Variants in BMPR1B observed in about 807,000 individuals in gnomAD.
BMPR1B encodes bone morphogenetic protein receptor type 1B.
BMPR1B carries 12 observed loss-of-function variants against 59.1 expected under a neutral mutation model. The ratio of observed to expected loss-of-function variants is 0.20; its 90% CI spans 0.13 to 0.33. The LOEUF is 0.33. Ranked by LOEUF, BMPR1B falls within the 10% of genes least tolerant of loss-of-function variation. BMPR1B has a pLI of 1.00. For missense variants in BMPR1B, 550 were observed against 610.9 expected (o/e 0.90, Z 1.05); for synonymous variants, 237 against 207.3 (o/e 1.14, Z -1.23).
intron 1 of BMPR1B, among the ~76,000 whole-genome samples, chr4:94,809,909 C>G (rs1723748212): frequency 6.6e-6 from 1 of 152,206 alleles, no homozygotes. Flanking sequence ...TGATTTCACT[C>G]TAGAATCTGA....
chr4:94,944,861 C>G (rs1336539365), intron 2 of BMPR1B, among the ~76,000 whole-genome samples: 1 of 152,110 alleles, frequency 6.6e-6, no homozygotes, highest in Non-Finnish European at 1.5e-5. Flanking sequence ...ATAATAGATT[C>G]CAGCTTTTTT....
chr4:94,778,074 A>T (rs1015385790), intron 1 of BMPR1B, among the ~76,000 whole-genome samples: 10 of 152,118 alleles, frequency 6.6e-5, no homozygotes, highest in Non-Finnish European at 2.9e-5. Flanking sequence ...AAATGAAATA[A>T]TTCTTCTCTT....
At chr4:94,938,267 C>T (rs565712334) in intron 2 of BMPR1B, among the ~76,000 whole-genome samples, 37 of 152,146 alleles carry the variant, frequency 2.4e-4, no homozygotes, top group Admixed American at 7.2e-4. Flanking sequence ...GAGTCTGAGG[C>T]GGGCAGATAA....
intron 3 of BMPR1B, among the ~76,000 whole-genome samples, chr4:95,092,347 G>A (rs1050872655): frequency 4.6e-5 from 7 of 152,058 alleles, no homozygotes; most frequent in African/African-American, 1.4e-4. Flanking sequence ...CAACAGATAA[G>A]TGTAAAAGCA....
intron 6 of BMPR1B, among the ~76,000 whole-genome samples, chr4:95,122,063 G>A (rs1179042835): frequency 2.0e-5 from 3 of 152,160 alleles, no homozygotes; most frequent in African/African-American, 7.2e-5. Flanking sequence ...TCAGGTTGTA[G>A]CTGGGCACAG....
intron 10 of BMPR1B, among the ~76,000 whole-genome samples, chr4:95,134,142 G>A (rs548008611): frequency 2.6e-5 from 4 of 152,200 alleles, no homozygotes; most frequent in Admixed American, 6.5e-5. Flanking sequence ...CTGTCCTTGC[G>A]ATAGTTTGCT....
chr4:94,926,857 G>C (rs765881420), intron 2 of BMPR1B, among the ~76,000 whole-genome samples: 2 of 151,998 alleles, frequency 1.3e-5, no homozygotes, highest in Non-Finnish European at 2.9e-5. Flanking sequence ...CTTATGTGTT[G>C]ACCTTTACAA....
At chr4:95,045,493 T>G (rs1725979132) in intron 3 of BMPR1B, among the ~76,000 whole-genome samples, 1 of 152,298 alleles carries the variant, frequency 6.6e-6, no homozygotes, top group Middle Eastern at 3.4e-3. Flanking sequence ...ATATCGAGCT[T>G]CTCGTGTTCT....
intron 2 of BMPR1B, among the ~76,000 whole-genome samples, chr4:94,887,236 CAAA>C (rs35669478): frequency 1.4e-5 from 2 of 141,884 alleles, no homozygotes; most frequent in African/African-American, 2.5e-5. Flanking sequence ...CCAGATTGAC[CAAA>C]AAAAAAAAAG....
chr4:95,055,070 A>G (rs1371500723), intron 3 of BMPR1B, among the ~76,000 whole-genome samples: 3 of 152,324 alleles, frequency 2.0e-5, no homozygotes, highest in African/African-American at 7.2e-5. Context: ...AAGGTGAGAT[A>G]GGAAGTAGAA....
At chr4:94,994,239 TA>T (rs1475267198) in intron 2 of BMPR1B, among the ~76,000 whole-genome samples, 2 of 152,224 alleles carry the variant, frequency 1.3e-5, no homozygotes, top group Non-Finnish European at 2.9e-5. Context: ...TTATTCCTTC[TA>T]GTTGGTTTTG....
At chr4:94,836,136 C>T (rs1274451728) in intron 1 of BMPR1B, among the ~76,000 whole-genome samples, 3 of 148,678 alleles carry the variant, frequency 2.0e-5, no homozygotes, top group Non-Finnish European at 4.5e-5. Flanking sequence ...ATATGTGCCA[C>T]ATTTTCTTAA....
chr4:94,885,971 A>G (rs1247162392), intron 2 of BMPR1B, among the ~76,000 whole-genome samples: 1 of 152,180 alleles, frequency 6.6e-6, no homozygotes, highest in Non-Finnish European at 1.5e-5. Context: ...ACAAAGTAAG[A>G]TGATAGAAAT....
At chr4:94,843,634 T>G (rs1236642426) in intron 1 of BMPR1B, among the ~76,000 whole-genome samples, 1 of 151,928 alleles carries the variant, frequency 6.6e-6, no homozygotes, top group East Asian at 1.9e-4. Context: ...CTTTTGGTTA[T>G]TATTGTATGT....
intron 3 of BMPR1B, among the ~76,000 whole-genome samples, chr4:95,099,960 T>C (rs1730703243): frequency 1.3e-5 from 2 of 152,204 alleles, no homozygotes; most frequent in African/African-American, 2.4e-5. Flanking sequence ...TCATTACAAA[T>C]GCGTTTCCAA....
chr4:95,023,227 C>T (rs749781957), intron 3 of BMPR1B, among the ~76,000 whole-genome samples: 4 of 152,120 alleles, frequency 2.6e-5, no homozygotes, highest in Non-Finnish European at 5.9e-5. Flanking sequence ...AGATCGTTGC[C>T]TTCTCCCATA....
At chr4:95,102,974 G>A (rs1467276398) in intron 3 of BMPR1B, among the ~76,000 whole-genome samples, 3 of 151,936 alleles carry the variant, frequency 2.0e-5, no homozygotes, top group Admixed American at 6.6e-5. Flanking sequence ...TTCTGCATAC[G>A]ACAATCTTCT....
chr4:95,132,542 G>T (rs1560679648), intron 10 of BMPR1B, among the ~76,000 whole-genome samples: 1 of 152,052 alleles, frequency 6.6e-6, no homozygotes, highest in Non-Finnish European at 1.5e-5. Flanking sequence ...AAGAGGAAAT[G>T]ATTTGGGCTA....
At chr4:94,774,564 T>G (rs1253584405) in intron 1 of BMPR1B, among the ~76,000 whole-genome samples, 1 of 152,126 alleles carries the variant, frequency 6.6e-6, no homozygotes, top group Non-Finnish European at 1.5e-5. Context: ...TAAGTTTATT[T>G]ATGAATTTTT....
Sources: gnomAD v4.1 joint callset for allele counts (sites outside exome capture counted in the v4.1 genomes callset) on GRCh38, gnomAD v4.1.1 for gene constraint, MANE v1.5 for transcripts, NCBI Gene and HGNC (gene_info 2026-07-23, HGNC 2026-07-21) for gene names.